Variants in CFAP251 observed in about 807,000 individuals in gnomAD.
The protein encoded by CFAP251 is cilia and flagella associated protein 251.
In CFAP251, 93 loss-of-function variants were observed where a neutral mutation model predicts 126.7. The ratio of observed to expected loss-of-function variants is 0.73; its 90% CI spans 0.62 to 0.87. The LOEUF is 0.87. Ranked by LOEUF, CFAP251 falls within the 40% of genes least tolerant of loss-of-function variation. The pLI, the probability that CFAP251 is intolerant of heterozygous loss-of-function variation, is 0.00. For synonymous variants in CFAP251, 503 were observed against 506.9 expected (o/e 0.99, Z 0.10); for missense variants, 1,287 against 1,389.2 (o/e 0.93, Z 1.17).
At chr12:121,938,293 C>A (rs1181759820) in intron 5 of CFAP251, among the ~76,000 whole-genome samples, 2 of 151,898 alleles carry the variant, frequency 1.3e-5, no homozygotes, top group Non-Finnish European at 2.9e-5. Context: ...AACTGTAAGC[C>A]ACTGTGCCCA....
At chr12:121,938,408 A>G (rs979732112) in intron 5 of CFAP251, among the ~76,000 whole-genome samples, 7 of 151,820 alleles carry the variant, frequency 4.6e-5, no homozygotes, top group South Asian at 2.1e-4. Flanking sequence ...TGCAACTTCT[A>G]TCTCCTGGGC....
chr12:121,975,378 A>G, intron 18 of CFAP251, 44 bp downstream of exon 18: 1 of 1,594,530 alleles, frequency 6.3e-7, no homozygotes, highest in South Asian at 1.1e-5. Context: ...CATCTAGTTA[A>G]GTTTGTAAAG....
At chr12:121,999,649 T>G in intron 19 of CFAP251, 67 bp from the exon 20 acceptor site, 1 of 1,327,618 alleles carries the variant, frequency 7.5e-7, no homozygotes, top group Non-Finnish European at 1.0e-6. Context: ...TGTCCAATTT[T>G]TAGAAATCTA....
intron 11 of CFAP251, among the ~76,000 whole-genome samples, 193 bp from the exon 12 acceptor site, chr12:121,958,079 G>A (rs889073512): frequency 1.3e-5 from 2 of 152,172 alleles, no homozygotes; most frequent in African/African-American, 4.8e-5. Flanking sequence ...CAATTTACAT[G>A]GAGAAAAGTG....
chr12:121,975,567 C>A lies in CFAP251; in HGVS notation c.2888C>A (p.Ser963Tyr). 6.2e-7 allele frequency: 1 copy of A among 1,607,542 alleles called. No individual in the cohort carries two copies. The highest frequency in any genetic ancestry group is 8.5e-7 in the Non-Finnish European group (1 of 1,178,436). The change falls in exon 19 of 22, where the codon TCT (serine) becomes TAT (tyrosine). Residue 963 changes from serine (S) to tyrosine (Y), a missense_variant. By Grantham distance (144) the Ser-to-Tyr change is moderately radical. Transcript: ENST00000288912. ...GAGCTAGAAGACTACTTCTACTATT[C>A]TCAGCTCCGCAGTCAAGGCATCGAC... Reference protein sequence around the residue: ...YRELEDYFYYSQLRSQGIDTM... With the variant: ...YRELEDYFYYYQLRSQGIDTM...
intron 5 of CFAP251, among the ~76,000 whole-genome samples, chr12:121,936,358 G>A (rs868126988): frequency 3.4e-4 from 51 of 152,206 alleles, no homozygotes; most frequent in African/African-American, 1.2e-3. Flanking sequence ...GAGGCGGGAA[G>A]ATGGCTTGAG....
chr12:121,934,386 C>T (rs1226516764), intron 5 of CFAP251, 30 bp downstream of exon 5: 6 of 1,543,580 alleles, frequency 3.9e-6, no homozygotes, highest in Non-Finnish European at 5.4e-6. Context: ...TTCTTTTTTC[C>T]CTGAATTTCT....
At chr12:121,999,312 T>C (rs1883095919) in intron 19 of CFAP251, 1 of 154,692 alleles carries the variant, frequency 6.5e-6, no homozygotes, top group Admixed American at 6.4e-5. Flanking sequence ...TTTTTCCATC[T>C]AAAATAATTG....
intron 17 of CFAP251, chr12:121,972,052 A>C: frequency 4.9e-6 from 1 of 203,880 alleles, no homozygotes; most frequent in Non-Finnish European, 9.9e-6. Context: ...GTAACAATAA[A>C]CCTCTTTCTT....
rs1565899625 is a variant in CFAP251 at position 121,921,364 on chromosome 12, TG to T, written c.60del (p.Met20IlefsTer14). 1 of 1,568,404 alleles carries T rather than the reference TG, an allele frequency of 6.4e-7. No homozygotes were observed. Among genetic ancestry groups the T allele is most frequent in the African/African-American group, 1.4e-5 (1 of 70,404 alleles). On this transcript the variant is annotated frameshift_variant, in exon 2 of 22. Coordinates refer to ENST00000288912, the MANE Select transcript of CFAP251 (RefSeq NM_144668.6). LOFTEE classifies it high-confidence loss of function. The part of the protein sequence containing the change: ...EATGENGETE[M>X]KEEEEPNPNY... ...ACAGGAGAAAATGGAGAAACAGAAA[TG>T]AAAGAAGAGGAGGAACCTAATCCAA...
chr12:121,992,207 G>A (rs1882892124), intron 19 of CFAP251: 1 of 985,452 alleles, frequency 1.0e-6, no homozygotes, highest in Non-Finnish European at 1.2e-6. Context: ...CAAGCTCTGC[G>A]TTCTATTTCC....
intron 19 of CFAP251, among the ~76,000 whole-genome samples, chr12:121,991,592 C>T (rs188579327): frequency 7.9e-4 from 120 of 152,336 alleles, no homozygotes; most frequent in African/African-American, 2.9e-3. Flanking sequence ...ATTGTGAAGC[C>T]TGACATGTCA....
At chr12:121,940,157 G>T (rs930144503) in intron 5 of CFAP251, among the ~76,000 whole-genome samples, 1 of 152,122 alleles carries the variant, frequency 6.6e-6, no homozygotes, top group Non-Finnish European at 1.5e-5. Context: ...AATCTAATCT[G>T]TTAGCAACTC....
At chr12:121,960,028 G>A (rs1460787859) in intron 13 of CFAP251, among the ~76,000 whole-genome samples, 1 of 152,034 alleles carries the variant, frequency 6.6e-6, no homozygotes, top group Non-Finnish European at 1.5e-5. Context: ...AGCTACTTAG[G>A]AGGCTGAGGC....
chr12:121,946,530 T>G (rs116800170), intron 7 of CFAP251, among the ~76,000 whole-genome samples: 2,153 of 152,298 alleles, frequency 0.014, 44 homozygotes, highest in African/African-American at 0.05. Context: ...GTTGTGTGTC[T>G]CTCTCCTTGG....
intron 5 of CFAP251, among the ~76,000 whole-genome samples, chr12:121,937,526 C>A (rs1199804919): frequency 6.6e-6 from 1 of 152,184 alleles, no homozygotes; most frequent in African/African-American, 2.4e-5. Context: ...GAGCGCAGCA[C>A]CAGGCCATGA....
intron 19 of CFAP251, chr12:121,992,299 C>G: frequency 1.0e-6 from 1 of 985,414 alleles, no homozygotes; most frequent in East Asian, 1.1e-4. Context: ...CTTGCGAAGT[C>G]GGCTCAGGAA....
intron 12 of CFAP251, among the ~76,000 whole-genome samples, 169 bp downstream of exon 12, chr12:121,958,691 C>T (rs1160694510): frequency 6.6e-6 from 1 of 151,728 alleles, no homozygotes; most frequent in Admixed American, 6.6e-5. Flanking sequence ...CCTATCTGTG[C>T]GTCTCTGCGC....
chr12:121,933,738 G>A (rs2135754853), intron 4 of CFAP251: 1 of 152,670 alleles, frequency 6.6e-6, no homozygotes, highest in African/African-American at 2.4e-5. Flanking sequence ...AGAATTGCTT[G>A]AGCCCAGGAG....
Sources: gnomAD v4.1 joint callset for allele counts (sites outside exome capture counted in the v4.1 genomes callset) on GRCh38, gnomAD v4.1.1 for gene constraint, MANE v1.5 for transcripts, NCBI Gene and HGNC (gene_info 2026-07-23, HGNC 2026-07-21) for gene names.